PRDM5: variants seen among roughly 807,000 people sequenced by gnomAD.
The protein encoded by PRDM5 is PR domain zinc finger protein 5.
In PRDM5, 56 loss-of-function variants were observed where a neutral mutation model predicts 81.2. That is an observed-to-expected ratio of 0.69 (90% CI 0.56 to 0.86). The LOEUF (loss-of-function observed/expected upper bound fraction) is 0.86, where lower values mean the gene tolerates loss of function less well. Among genes scored for constraint, PRDM5 ranks in the 40% least tolerant of loss-of-function variants. PRDM5 has a pLI of 0.00. For missense variants in PRDM5, 697 were observed against 770.1 expected (o/e 0.91, Z 1.12); for synonymous variants, 267 against 256.4 (o/e 1.04, Z -0.39).
intron 5 of PRDM5, among the ~76,000 whole-genome samples, chr4:120,817,836 T>C (rs1208450865): frequency 6.6e-6 from 1 of 152,214 alleles, no homozygotes; most frequent in Non-Finnish European, 1.5e-5. Context: ...TAATTAATCA[T>C]ATTGTTATAA....
chr4:120,879,303 C>T (rs1762612856), intron 2 of PRDM5, among the ~76,000 whole-genome samples: 1 of 152,160 alleles, frequency 6.6e-6, no homozygotes, highest in Admixed American at 6.5e-5. Flanking sequence ...GGGCTACATA[C>T]TATATGACTG....
At chr4:120,770,638 T>C (rs1578667014) in intron 13 of PRDM5, among the ~76,000 whole-genome samples, 1 of 152,098 alleles carries the variant, frequency 6.6e-6, no homozygotes, top group Non-Finnish European at 1.5e-5. Flanking sequence ...ACAAAAAGGT[T>C]GTGTCCAGCC....
At chr4:120,808,185 C>T (rs1753280220) in intron 8 of PRDM5, among the ~76,000 whole-genome samples, 1 of 152,148 alleles carries the variant, frequency 6.6e-6, no homozygotes, top group Non-Finnish European at 1.5e-5. Flanking sequence ...TGCTTTTATT[C>T]TCTTATCTGG....
chr4:120,867,742 AACTACC>A lies in PRDM5; in HGVS notation c.178-14208_178-14203del, dbSNP rs539351704. 2.1e-3 allele frequency among the ~76,000 whole-genome samples: 314 copies of A among 152,352 alleles called. 2 individuals are homozygous for A. Among genetic ancestry groups the A allele is most frequent in the African/African-American group, 7.1e-3 (295 of 41,592 alleles). The stretch of plus-strand genomic sequence containing the variant: ...AGGGAGTGTTTTTAATTTTGCAACA[AACTACC>A]CTTTAAAATAAGTCATCTAAAATTA... On this transcript the variant is annotated intron_variant, in intron 2 of 15. Transcript: ENST00000264808.
rs552228726 is a variant in PRDM5, at chr4:120,810,877, C to A, written c.945+493G>T. ...TGCCTCACATGTTATAAGTTAAACC[C>A]ACAGCACATGGTTGGAGCTACTGGA... On this transcript the variant is annotated intron_variant, in intron 8 of 15. Transcript: ENST00000264808. Among the ~76,000 whole-genome samples the A allele has an allele frequency of 4.9e-4, 74 of 152,238 alleles. 1 individual carries two copies. The highest frequency in any genetic ancestry group is 1.3e-3 in the African/African-American group (54 of 41,568).
At chr4:120,859,106 G>A (rs964394788) in intron 2 of PRDM5, among the ~76,000 whole-genome samples, 1 of 152,078 alleles carries the variant, frequency 6.6e-6, no homozygotes, top group Non-Finnish European at 1.5e-5. Flanking sequence ...CAATCATAAG[G>A]TATTAGTAAA....
chr4:120,733,892 T>TAAA (rs60786051), intron 14 of PRDM5, among the ~76,000 whole-genome samples: 45 of 132,296 alleles, frequency 3.4e-4, no homozygotes, highest in African/African-American at 1.1e-3. Context: ...GACACAAAAG[T>TAAA]AAAAAAAAAA....
rs1411157583 is a variant in PRDM5 at position 120,857,132 on chromosome 4, G to A, written c.178-3592C>T. On this transcript the variant is annotated intron_variant, in intron 2 of 15. Transcript: ENST00000264808. ...GCACTTCAGGAGGACAAGGTGGGCA[G>A]ATCACCTGAGGGTAGGAGTTTGAGA... Among the ~76,000 whole-genome samples, 3 of 152,322 alleles carry A rather than the reference G, an allele frequency of 2.0e-5. No homozygotes were observed. In the East Asian group the frequency reaches 5.8e-4, roughly 29 times the overall value.
At chr4:120,754,673 A>G (rs766312172) in intron 13 of PRDM5, 35 bp from the exon 14 acceptor site, 3 of 1,409,490 alleles carry the variant, frequency 2.1e-6, no homozygotes, top group East Asian at 4.6e-5. Flanking sequence ...TCAGAAAAAC[A>G]TGAAGTAGCA....
chr4:120,825,654 A>C (rs1000765713), intron 3 of PRDM5, among the ~76,000 whole-genome samples: 1 of 152,168 alleles, frequency 6.6e-6, no homozygotes, highest in Non-Finnish European at 1.5e-5. Flanking sequence ...GCTGTAAATA[A>C]ATACAGGAAA....
chr4:120,763,180 A>G (rs914855739), intron 13 of PRDM5, among the ~76,000 whole-genome samples: 2 of 152,146 alleles, frequency 1.3e-5, no homozygotes, highest in Admixed American at 6.6e-5. Context: ...GGGAAGAAGG[A>G]AAAAAACAGG....
intron 14 of PRDM5, among the ~76,000 whole-genome samples, chr4:120,731,286 G>A (rs1740210855): frequency 6.6e-6 from 1 of 151,888 alleles, no homozygotes; most frequent in Admixed American, 6.6e-5. Flanking sequence ...TGATAGCACA[G>A]AGAAGGGGTC....
rs752742716 is a variant in PRDM5 at position 120,695,155 on chromosome 4, G to A, written c.1849C>T (p.Leu617Phe). ...CHKKFTRNDY[L>F]KVHMDNIHGV... ...TGGATATTGTCCATGTGCACTTTGA[G>A]GTAGTCATTCCTTGTAAACTTCTTA... The change falls in exon 16 of 16, where the codon CTC becomes TTC. Residue 617 changes from leucine (L) to phenylalanine (F), a missense_variant. Physicochemically the swap from Leu to Phe is conservative, Grantham distance 22. Coordinates refer to ENST00000264808, the MANE Select transcript of PRDM5 (RefSeq NM_018699.4). 6.2e-7 allele frequency: 1 copy of A among 1,613,310 alleles called. No individual in the cohort carries two copies. Among genetic ancestry groups the A allele is most frequent in the Non-Finnish European group, 8.5e-7 (1 of 1,179,494 alleles).
intron 2 of PRDM5, among the ~76,000 whole-genome samples, chr4:120,864,183 A>G (rs1760953225): frequency 6.6e-6 from 1 of 152,212 alleles, no homozygotes; most frequent in South Asian, 2.1e-4. Context: ...TGCATGATGA[A>G]TTGTGTATGG....
At chr4:120,699,679 T>C (rs1242973098) in intron 15 of PRDM5, among the ~76,000 whole-genome samples, 1 of 152,130 alleles carries the variant, frequency 6.6e-6, no homozygotes, top group Non-Finnish European at 1.5e-5. Context: ...AATAGCCACA[T>C]ACAAAAAGTA....
chr4:120,841,508 T>C (rs891394464), intron 3 of PRDM5, among the ~76,000 whole-genome samples: 6 of 152,236 alleles, frequency 3.9e-5, no homozygotes, highest in African/African-American at 1.4e-4. Context: ...TTACTTCACT[T>C]TGTAATTTGT....
chr4:120,809,832 G>A lies in PRDM5; in HGVS notation c.945+1538C>T, dbSNP rs76130634. ...AGGACTATGGCTGAAATGGAGGAAG[G>A]GCTGCATTGAGCTAGCAACTTATTA... is the stretch of plus-strand genomic sequence containing the variant. On this transcript the variant is annotated intron_variant, in intron 8 of 15. Transcript: ENST00000264808. Among the ~76,000 whole-genome samples the A allele has an allele frequency of 2.5e-3, 387 of 152,224 alleles. 1 individual carries two copies. The highest frequency in any genetic ancestry group is 4.1e-3 in the Non-Finnish European group (280 of 68,008).
chr4:120,775,740 G>A (rs1748058362), intron 13 of PRDM5, among the ~76,000 whole-genome samples: 1 of 152,082 alleles, frequency 6.6e-6, no homozygotes, highest in Admixed American at 6.6e-5. Context: ...CTAAGTCTAA[G>A]TATGGCACAA....
intron 14 of PRDM5, among the ~76,000 whole-genome samples, chr4:120,730,364 T>G (rs140847823): frequency 6.6e-6 from 1 of 152,286 alleles, no homozygotes; most frequent in East Asian, 1.9e-4. Context: ...TTACCCAAAA[T>G]TGAAAAAGGC....
Sources: gnomAD v4.1 joint callset for allele counts (sites outside exome capture counted in the v4.1 genomes callset) on GRCh38, gnomAD v4.1.1 for gene constraint, MANE v1.5 for transcripts, NCBI Gene and HGNC (gene_info 2026-07-23, HGNC 2026-07-21) for gene names.